TM7SF3: variants seen among roughly 807,000 people sequenced by gnomAD.
The protein encoded by TM7SF3 is seven span transmembrane protein.
Under a neutral mutation model 65.5 loss-of-function variants are expected in TM7SF3, and 60 were observed. That is an observed-to-expected ratio of 0.92 (90% CI 0.74 to 1.14). The LOEUF is 1.14. Ranked by LOEUF, TM7SF3 falls within the 50% of genes most tolerant of loss-of-function variation. TM7SF3 has a pLI of 0.00. For synonymous variants in TM7SF3, 264 were observed against 259.6 expected (o/e 1.02, Z -0.16); for missense variants, 623 against 684.8 (o/e 0.91, Z 1.01).
chr12:26,973,764 C>A lies in TM7SF3; in HGVS notation c.*201G>T. The stretch of plus-strand genomic sequence containing the variant: ...TAAGAAAAAGCCTCCCTACCACCAA[C>A]CTTTTGGTCATCTTTCTCATTCTCT... On this transcript the variant is annotated 3_prime_UTR_variant, in exon 12 of 12. Coordinates refer to ENST00000343028, the MANE Select transcript of TM7SF3 (RefSeq NM_016551.3). 7.0e-6 allele frequency: 4 copies of A among 570,498 alleles called. No homozygotes were observed. The highest frequency in any genetic ancestry group is 1.1e-5 in the Non-Finnish European group (4 of 361,162). The allele number at this position is 570,498 out of a possible 1,614,324, so 35.3% of individuals were successfully genotyped here. A position where few individuals can be genotyped will look rare whatever the true frequency, so the allele number is the denominator to read the frequency against.
rs1318962265 is a variant in TM7SF3, at chr12:26,979,784, C to G, written c.1189G>C (p.Gly397Arg). 6.2e-7 allele frequency: 1 copy of G among 1,613,862 alleles called. No individual in the cohort carries two copies. Among genetic ancestry groups the G allele is most frequent in the Non-Finnish European group, 8.5e-7 (1 of 1,179,898 alleles). ...ISSVTFFTPL[G>R]NLKIFHDDGV... ...AAAACATCTGTTACATATCGCCTAC[C>G]CAGTGGAGTAAAGAAAGTCACTGAC... The change falls in exon 9 of 12, where the codon GGA (glycine) becomes CGA (arginine). Residue 397 changes from glycine to arginine, a missense_variant and splice_region_variant. By Grantham distance (125) the Gly-to-Arg change is moderately radical. Transcript: ENST00000343028.
In TM7SF3 at chr12:26,982,822, G is replaced by A; in HGVS notation, c.906C>T (p.Ala302=). Residue 302 remains alanine, a synonymous_variant, in exon 7 of 12, where the codon GCC becomes GCT. Transcript: ENST00000343028. ...VSSKVFFTLF[A]LLGFFICFFG... ...AGAAACAAATGAAGAAACCAAGCAG[G>A]GCAAAAAGAGTGAAGAACACTTTGG... The A allele has an allele frequency of 6.2e-7, 1 of 1,608,260 alleles. No individual in the cohort carries two copies.
chr12:27,006,693 A>T (rs1233288452), intron 1 of TM7SF3, among the ~76,000 whole-genome samples: 1 of 152,248 alleles, frequency 6.6e-6, no homozygotes, highest in African/African-American at 2.4e-5. Context: ...ATAAGCATGC[A>T]TATTTCCGCA....
intron 6 of TM7SF3, among the ~76,000 whole-genome samples, chr12:26,986,819 C>T (rs1020280168): frequency 1.3e-5 from 2 of 152,194 alleles, no homozygotes; most frequent in African/African-American, 2.4e-5. Context: ...TACCAATGGC[C>T]TCCATGTTGC....
At chr12:27,002,424 T>A (rs368196219) in intron 2 of TM7SF3, among the ~76,000 whole-genome samples, 1 of 151,772 alleles carries the variant, frequency 6.6e-6, no homozygotes, top group African/African-American at 2.4e-5. Context: ...TGGAGTGAGA[T>A]CTTATCTCTA....
chr12:27,002,254 G>A (rs1565465150), intron 2 of TM7SF3, among the ~76,000 whole-genome samples: 1 of 151,978 alleles, frequency 6.6e-6, no homozygotes. Context: ...CTTGAGGCCA[G>A]GAGTTCAAGA....
At chr12:26,999,020 A>G (rs1275747794) in intron 3 of TM7SF3, among the ~76,000 whole-genome samples, 1 of 152,206 alleles carries the variant, frequency 6.6e-6, no homozygotes, top group Non-Finnish European at 1.5e-5. Context: ...GGGCTCCCTA[A>G]ATGTTTTTCG....
intron 2 of TM7SF3, 23 bp downstream of exon 2, chr12:27,003,213 C>A (rs1940902344): frequency 1.3e-6 from 2 of 1,550,742 alleles, no homozygotes; most frequent in Admixed American, 1.9e-5. Context: ...ATGATTTTTA[C>A]TAAAATAATT....
chr12:27,008,536 G>T (rs1477790608), intron 1 of TM7SF3, among the ~76,000 whole-genome samples: 1 of 152,004 alleles, frequency 6.6e-6, no homozygotes, highest in Non-Finnish European at 1.5e-5. Context: ...TCAATTTCAG[G>T]TTTTTCCTTT....
intron 1 of TM7SF3, among the ~76,000 whole-genome samples, chr12:27,013,677 T>A (rs1298645091): frequency 6.6e-6 from 1 of 152,188 alleles, no homozygotes; most frequent in Non-Finnish European, 1.5e-5. Flanking sequence ...TCCATGCAGC[T>A]TGAGAGCCAT....
intron 2 of TM7SF3, among the ~76,000 whole-genome samples, chr12:27,002,495 C>T (rs560294513): frequency 1.4e-3 from 216 of 151,884 alleles, no homozygotes; most frequent in Middle Eastern, 3.4e-3. Flanking sequence ...GAATTGTTTA[C>T]CAAATTCCAG....
Position 26,974,141 on chromosome 12 carries a change from G to T in TM7SF3, c.1537C>A (p.Pro513Thr). ...TTCCATAACTTGTATGGGTGGGGAG[G>T]GAAGAACGGTCGTCCTCTCTCTCTT... ...IRRERGRPFF[P>T]PHPYKLWKQE... Residue 513 changes from proline (P) to threonine (T), a missense_variant, in exon 12 of 12, where the codon CCT becomes ACT. By Grantham distance (38) the Pro-to-Thr change is conservative. Coordinates refer to ENST00000343028, the MANE Select transcript of TM7SF3 (RefSeq NM_016551.3). 6.2e-7 allele frequency: 1 copy of T among 1,614,184 alleles called. No individual in the cohort carries two copies. The highest frequency in any genetic ancestry group is 8.5e-7 in the Non-Finnish European group (1 of 1,180,028).
chr12:26,999,506 G>A lies in TM7SF3; in HGVS notation c.397+20C>T. ...TCCATATTCCAAAGAGTAAGAGGGA[G>A]GAGAAGACAGAAGGGTTACCTCTTT... On this transcript the variant is annotated intron_variant, in intron 3 of 11. Transcript: ENST00000343028. The A allele has an allele frequency of 6.2e-7, 1 of 1,612,308 alleles. No individual in the cohort carries two copies. Among genetic ancestry groups the A allele is most frequent in the Non-Finnish European group, 8.5e-7 (1 of 1,178,518 alleles).
intron 1 of TM7SF3, among the ~76,000 whole-genome samples, chr12:27,008,534 A>G (rs1260381136): frequency 6.6e-6 from 1 of 152,106 alleles, no homozygotes; most frequent in Non-Finnish European, 1.5e-5. Context: ...AGTCAATTTC[A>G]GGTTTTTCCT....
At chr12:26,984,945 T>A (rs988456766) in intron 6 of TM7SF3, among the ~76,000 whole-genome samples, 17 of 152,140 alleles carry the variant, frequency 1.1e-4, no homozygotes, top group African/African-American at 4.1e-4. Context: ...TAGGAGGCAA[T>A]ATGGATATAG....
At chr12:27,009,912 C>T (rs1941183552) in intron 1 of TM7SF3, among the ~76,000 whole-genome samples, 1 of 152,170 alleles carries the variant, frequency 6.6e-6, no homozygotes, top group Non-Finnish European at 1.5e-5. Context: ...GTAACCCTGG[C>T]AATCTAACAT....
At chr12:26,982,467 G>A (rs1939858831) in intron 7 of TM7SF3, among the ~76,000 whole-genome samples, 1 of 152,170 alleles carries the variant, frequency 6.6e-6, no homozygotes, top group Non-Finnish European at 1.5e-5. Flanking sequence ...ATGAGCCACT[G>A]AGCCCGGCCC....
At chr12:26,995,090 C>A in intron 5 of TM7SF3, 147 bp downstream of exon 5, 1 of 786,298 alleles carries the variant, frequency 1.3e-6, no homozygotes. Context: ...AGCAAAGACT[C>A]CCAAGATGAT....
chr12:26,989,668 TAC>T (rs144274236), intron 6 of TM7SF3, among the ~76,000 whole-genome samples: 1,717 of 150,210 alleles, frequency 0.011, 17 homozygotes, highest in Non-Finnish European at 0.021. Context: ...AACTGCTAAA[TAC>T]ACACACACAC....
Sources: gnomAD v4.1 joint callset for allele counts (sites outside exome capture counted in the v4.1 genomes callset) on GRCh38, gnomAD v4.1.1 for gene constraint, MANE v1.5 for transcripts, NCBI Gene and HGNC (gene_info 2026-07-23, HGNC 2026-07-21) for gene names.